The following MYH7B variants were observed in gnomAD, a reference collection of about 807,000 sequenced individuals.
MYH7B encodes the protein myosin-7B.
MYH7B carries 205 observed loss-of-function variants against 234.5 expected under a neutral mutation model. That is an observed-to-expected ratio of 0.87 (90% CI 0.78 to 0.98). MYH7B has a LOEUF of 0.98. Ranked by LOEUF, MYH7B falls within the 50% of genes least tolerant of loss-of-function variation. The pLI is 0.00. For missense variants in MYH7B, 2,652 were observed against 2,633.4 expected (o/e 1.01, Z -0.15); for synonymous variants, 1,193 against 1,105.0 (o/e 1.08, Z -1.58).
chr20:35,000,978 TC>T lies in MYH7B; in HGVS notation c.5305-6del. ...GGCTGGGCACCTGACCAGCTCCTCCTCCCCAACAGGCGGCCATGATGGCCGA... is the reference window on the plus strand; with the variant it reads ...GGCTGGGCACCTGACCAGCTCCTCCTCCCAACAGGCGGCCATGATGGCCGA... On this transcript the variant is annotated splice_polypyrimidine_tract_variant and intron_variant, in intron 40 of 44. Coordinates refer to ENST00000262873, the Ensembl canonical transcript of MYH7B. 1 of 1,613,642 alleles carries T rather than the reference TC, an allele frequency of 6.2e-7. No individual in the cohort carries two copies. The highest frequency in any genetic ancestry group is 8.5e-7 in the Non-Finnish European group (1 of 1,179,890).
At chr20:34,985,571 G>A (rs1353671088) in intron 13 of MYH7B, among the ~76,000 whole-genome samples, 2 of 70,212 alleles carry the variant, frequency 2.8e-5, no homozygotes, top group Non-Finnish European at 5.2e-5. Flanking sequence ...ACCCCGCTGG[G>A]AAGTGCCCCA....
chr20:34,990,585 C>T (rs1170120666), intron 22 of MYH7B, 153 bp from the exon 23 acceptor site: 5 of 774,612 alleles, frequency 6.5e-6, no homozygotes, highest in Non-Finnish European at 1.1e-5. Context: ...TGATGGGAGA[C>T]AGCGAAGGGT....
intron 25 of MYH7B, 53 bp downstream of exon 25, chr20:34,993,278 C>T (rs1308688550): frequency 3.8e-5 from 61 of 1,613,862 alleles, no homozygotes; most frequent in Non-Finnish European, 5.2e-5. Context: ...TCACACTGGG[C>T]AGGGTTCATG....
chr20:34,986,920 C>T (rs771040605), exon 15 of MYH7B: 6 of 1,614,122 alleles, frequency 3.7e-6, no homozygotes, highest in South Asian at 3.3e-5. Flanking sequence ...CCTATGACTA[C>T]CACTTCTGCA....
rs779659453 is a variant in MYH7B at position 35,000,507 on chromosome 20, G to A, written c.4996G>A (p.Glu1666Lys). Residue 1666 changes from glutamate to lysine, a missense_variant, in exon 39 of 45, where the codon GAG becomes AAG. Transcript: ENST00000262873. ...CAAGGAGGAGCAGGCAGGGCGGGAC[G>A]AGGAGCAGCGGCTGGCAGCTGAGCT... The A allele has an allele frequency of 7.8e-5, 125 of 1,597,246 alleles. No individual in the cohort carries two copies. The highest frequency in any genetic ancestry group is 1.3e-4 in the Admixed American group (8 of 59,530).
intron 27 of MYH7B, among the ~76,000 whole-genome samples, chr20:34,994,653 C>T (rs188211841): frequency 6.6e-6 from 1 of 152,232 alleles, no homozygotes; most frequent in African/African-American, 2.4e-5. Flanking sequence ...CAGCTCTCCC[C>T]TCCCTGCAAT....
rs1319716895 is a variant in MYH7B, at chr20:34,990,070, C to T, written c.1824C>T (p.Thr608=). The T allele has an allele frequency of 6.2e-6, 10 of 1,613,996 alleles. No individual in the cohort carries two copies. The East Asian group carries it at 6.7e-5, about 11-fold the overall frequency. ...AAAACAAGGATCCCCTGAATGAGAC[C>T]GTGGTCCCCATCTTCCAGAAGTCAC... The change falls in exon 21 of 45, where the codon ACC becomes ACT. Residue 608 remains threonine (T), a synonymous_variant. Coordinates refer to ENST00000262873, the Ensembl canonical transcript of MYH7B.
intron 1 of MYH7B, among the ~76,000 whole-genome samples, chr20:34,957,813 A>G (rs17310467): frequency 0.085 from 12,960 of 152,156 alleles, 612 homozygotes; most frequent in South Asian, 0.13. Context: ...TAAATAAACC[A>G]TGTACATTAT....
At chr20:34,969,631 G>A (rs1460628777) in intron 2 of MYH7B, among the ~76,000 whole-genome samples, 4 of 142,434 alleles carry the variant, frequency 2.8e-5, no homozygotes, top group East Asian at 2.1e-4. Flanking sequence ...TGCAACCTCC[G>A]TCTCCTGGGC....
At position 34,999,687 on chromosome 20, in the gene MYH7B, G is replaced by T; in HGVS notation, c.4657G>T (p.Glu1553Ter). 3.7e-6 allele frequency: 6 copies of T among 1,613,474 alleles called. No individual in the cohort carries two copies. Among genetic ancestry groups the T allele is most frequent in the Non-Finnish European group, 5.1e-6 (6 of 1,179,768 alleles). Residue 1553 changes from glutamate (E) to a stop codon, truncating the protein, a stop_gained, in exon 37 of 45, where the codon GAG becomes TAG. Transcript: ENST00000262873. LOFTEE classifies it high-confidence loss of function. ...GAGTGAGATCCAGGCTGCACTGGAG[G>T]AGGCAGAGGTCAGGGGCTGGCTGCA...
chr20:34,990,740 G>C, exon 23 of MYH7B: 1 of 1,614,152 alleles, frequency 6.2e-7, no homozygotes, highest in Non-Finnish European at 8.5e-7. Flanking sequence ...ACTGCCAGGA[G>C]AACCTCAACA....
chr20:34,998,899 G>C (rs977646374), exon 35 of MYH7B: 4 of 1,612,526 alleles, frequency 2.5e-6, no homozygotes, highest in Middle Eastern at 1.7e-4. Flanking sequence ...GAGGACCGAG[G>C]AGCTGGAGGA....
chr20:35,000,618 G>A lies in MYH7B; in HGVS notation c.5107G>A (p.Glu1703Lys), dbSNP rs775355283. The A allele has an allele frequency of 3.2e-6, 5 of 1,574,336 alleles. 1 individual carries two copies. In the South Asian group the frequency reaches 4.6e-5, roughly 14 times the overall value. Residue 1703 changes from glutamate to lysine, a missense_variant, in exon 39 of 45, where the codon GAG becomes AAG. Physicochemically the swap from Glu to Lys is moderately conservative, Grantham distance 56. Coordinates refer to ENST00000262873, the Ensembl canonical transcript of MYH7B. ...GCTGCGGGCTGCCCTGGAGCAGGGC[G>A]AGCGCAGCCGGCGACTGGCAGAGCA... is the stretch of plus-strand genomic sequence containing the variant.
At position 34,997,129 on chromosome 20, in the gene MYH7B, C is replaced by T. The variant is rs763505797; in HGVS notation, c.3313C>T (p.Gln1105Ter). 1.2e-5 allele frequency: 19 copies of T among 1,549,136 alleles called. No homozygotes were observed. Among genetic ancestry groups the T allele is most frequent in the Non-Finnish European group, 1.5e-5 (17 of 1,146,806 alleles). Residue 1105 changes from glutamine to a stop codon, truncating the protein, a stop_gained, in exon 31 of 45, where the codon CAG becomes TAG. Coordinates refer to ENST00000262873, the Ensembl canonical transcript of MYH7B. LOFTEE classifies it high-confidence loss of function. The stretch of plus-strand genomic sequence containing the variant: ...GCTGAGCCTGCGGGTGGAAGACGAG[C>T]AGCTCTTGGGGGCCCAGATGCAGAA...
chr20:34,990,598 C>G, intron 22 of MYH7B, 140 bp from the exon 23 acceptor site: 1 of 796,356 alleles, frequency 1.3e-6, no homozygotes, highest in Non-Finnish European at 2.2e-6. Context: ...CGAAGGGTCT[C>G]CCATCACCAG....
At chr20:34,990,624 G>T (rs191520747) in intron 22 of MYH7B, 114 bp from the exon 23 acceptor site, 3 of 939,558 alleles carry the variant, frequency 3.2e-6, no homozygotes, top group African/African-American at 3.3e-5. Flanking sequence ...GAGTGAAAGA[G>T]CAAAAGTGCA....
At chr20:34,981,411 A>C in intron 9 of MYH7B, 1 of 292,332 alleles carries the variant, frequency 3.4e-6, no homozygotes, top group South Asian at 4.2e-5. Context: ...CCTTTTTACC[A>C]TCTACTTATG....
exon 27 of MYH7B, chr20:34,994,348 A>G (rs2082212149): frequency 6.2e-7 from 1 of 1,605,608 alleles, no homozygotes; most frequent in Admixed American, 1.7e-5. Context: ...ACTGGAGGAG[A>G]CGCACGTCAG....
chr20:34,989,093 G>C (rs2082090704), intron 19 of MYH7B, among the ~76,000 whole-genome samples: 1 of 152,084 alleles, frequency 6.6e-6, no homozygotes. Context: ...TACAGGCGTG[G>C]GCCACTGCGC....
Sources: allele counts gnomAD v4.1 joint callset (sites outside exome capture counted in the v4.1 genomes callset), GRCh38; gene constraint gnomAD v4.1.1; transcripts MANE v1.5; gene names NCBI Gene and HGNC (gene_info 2026-07-23, HGNC 2026-07-21).